The following GABRB1 variants were observed in gnomAD, a reference collection of about 807,000 sequenced individuals.
The protein encoded by GABRB1 is gamma-aminobutyric acid type A receptor subunit beta1, also known as gamma-aminobutyric acid receptor subunit beta-1.
In GABRB1, 17 loss-of-function variants were observed where a neutral mutation model predicts 51.6. The observed-to-expected ratio is 0.33, with a 90% CI of 0.23 to 0.49. The LOEUF (loss-of-function observed/expected upper bound fraction) is 0.49, where lower values mean the gene tolerates loss of function less well. Among genes scored for constraint, GABRB1 ranks in the 20% least tolerant of loss-of-function variants. GABRB1 has a pLI of 0.99. For synonymous variants in GABRB1, 247 were observed against 218.9 expected, an observed-to-expected ratio of 1.13 and a Z score of -1.14; for missense variants, 410 against 600.6, an observed-to-expected ratio of 0.68 and a Z score of 3.32.
intron 4 of GABRB1, among the ~76,000 whole-genome samples, chr4:47,254,173 C>A (rs1722090651): frequency 6.6e-6 from 1 of 151,972 alleles, no homozygotes; most frequent in East Asian, 1.9e-4. Context: ...CCTACCGTTT[C>A]TGCACCAAAG....
intron 4 of GABRB1, among the ~76,000 whole-genome samples, chr4:47,301,389 C>T (rs546929099): frequency 6.6e-6 from 1 of 152,096 alleles, no homozygotes; most frequent in Non-Finnish European, 1.5e-5. Flanking sequence ...GTAATTCCAA[C>T]ACTTTGGTAG....
intron 5 of GABRB1, among the ~76,000 whole-genome samples, chr4:47,378,447 C>G (rs1184374715): frequency 1.3e-5 from 2 of 152,210 alleles, no homozygotes; most frequent in Non-Finnish European, 2.9e-5. Flanking sequence ...CTCCACACCT[C>G]CCTGCAAGCT....
At chr4:47,320,784 T>TA (rs1725055569) in intron 5 of GABRB1, among the ~76,000 whole-genome samples, 1 of 149,420 alleles carries the variant, frequency 6.7e-6, no homozygotes, top group East Asian at 1.9e-4. Context: ...TTTTTTTTTT[T>TA]TTTGAGACGG....
intron 4 of GABRB1, among the ~76,000 whole-genome samples, chr4:47,234,778 T>C (rs1191445887): frequency 6.6e-6 from 1 of 152,200 alleles, no homozygotes; most frequent in Non-Finnish European, 1.5e-5. Context: ...TTCTCCTTTT[T>C]CTTTATGAAC....
At chr4:47,271,541 C>G (rs916398346) in intron 4 of GABRB1, among the ~76,000 whole-genome samples, 31 of 152,164 alleles carry the variant, frequency 2.0e-4, no homozygotes, top group African/African-American at 7.5e-4. Context: ...TCAGTCCTGG[C>G]CCAGGTGGCA....
chr4:47,009,252 A>G (rs2109438218), intron 1 of GABRB1, among the ~76,000 whole-genome samples: 1 of 150,720 alleles, frequency 6.6e-6, no homozygotes, highest in Non-Finnish European at 1.5e-5. Context: ...ATTAAATTTT[A>G]TATAAATTAT....
intron 3 of GABRB1, among the ~76,000 whole-genome samples, chr4:47,046,907 G>A (rs537862307): frequency 1.3e-5 from 2 of 152,082 alleles, no homozygotes; most frequent in Admixed American, 1.3e-4. Context: ...AACCAAATAC[G>A]GCATGTTTTC....
At chr4:47,226,632 A>G (rs1246199474) in intron 4 of GABRB1, among the ~76,000 whole-genome samples, 1 of 152,126 alleles carries the variant, frequency 6.6e-6, no homozygotes, top group Non-Finnish European at 1.5e-5. Flanking sequence ...GATTATCACC[A>G]AGAAATCTTC....
At chr4:47,074,322 T>C (rs933975644) in intron 3 of GABRB1, among the ~76,000 whole-genome samples, 9 of 152,322 alleles carry the variant, frequency 5.9e-5, no homozygotes, top group African/African-American at 2.2e-4. Context: ...TTTAAGAGCT[T>C]AAAGTATTTT....
At chr4:47,027,450 T>C (rs1251027397), upstream of GABRB1, among the ~76,000 whole-genome samples, 2 of 151,566 alleles carry the variant, frequency 1.3e-5, no homozygotes, top group Non-Finnish European at 3.0e-5. Flanking sequence ...CTATAATATA[T>C]AAATAAGAAG....
intron 3 of GABRB1, among the ~76,000 whole-genome samples, chr4:47,102,497 G>C (rs770051836): frequency 6.6e-6 from 1 of 152,018 alleles, no homozygotes; most frequent in Non-Finnish European, 1.5e-5. Context: ...GAGTAGATAT[G>C]AAGAGTTGAG....
intron 3 of GABRB1, among the ~76,000 whole-genome samples, chr4:47,081,761 T>A (rs1313612199): frequency 6.6e-6 from 1 of 152,086 alleles, no homozygotes; most frequent in Non-Finnish European, 1.5e-5. Context: ...CTTTTTTGCA[T>A]AGCAAACTTC....
rs190228136 is a variant in GABRB1, at chr4:47,417,055, C to G, written c.1081-8619C>G. ...GGAGAAATAAGGAAAAGAAACGAAT[C>G]CAGGATAAATGTATCTACCTGAGTA... On this transcript the variant is annotated intron_variant, in intron 8 of 8. Coordinates refer to ENST00000295454, the MANE Select transcript of GABRB1 (RefSeq NM_000812.4). 2.5e-3 allele frequency among the ~76,000 whole-genome samples: 381 copies of G among 152,242 alleles called. 1 individual carries two copies. Among genetic ancestry groups the G allele is most frequent in the Non-Finnish European group, 4.2e-3 (287 of 67,996 alleles).
chr4:47,331,563 C>G (rs1725486067), intron 5 of GABRB1, among the ~76,000 whole-genome samples: 1 of 151,940 alleles, frequency 6.6e-6, no homozygotes, highest in African/African-American at 2.4e-5. Context: ...TGATGGATGA[C>G]CATTTTGCAA....
At chr4:47,184,818 C>T (rs1263578475) in intron 4 of GABRB1, among the ~76,000 whole-genome samples, 1 of 151,834 alleles carries the variant, frequency 6.6e-6, no homozygotes, top group Non-Finnish European at 1.5e-5. Context: ...CTCAGGAGTC[C>T]ACATTCAAGG....
intron 3 of GABRB1, among the ~76,000 whole-genome samples, chr4:47,059,242 G>T (rs774980358): frequency 3.3e-5 from 5 of 152,156 alleles, no homozygotes; most frequent in Non-Finnish European, 7.3e-5. Flanking sequence ...CCTATGTGTT[G>T]CTGGGATGAG....
chr4:47,201,908 A>G (rs1020532354), intron 4 of GABRB1, among the ~76,000 whole-genome samples: 7 of 152,136 alleles, frequency 4.6e-5, no homozygotes, highest in Non-Finnish European at 7.3e-5. Flanking sequence ...ATTAATTGAT[A>G]TAAAAAAGTA....
At chr4:47,389,605 G>C (rs867600006) in intron 5 of GABRB1, among the ~76,000 whole-genome samples, 21 of 152,222 alleles carry the variant, frequency 1.4e-4, no homozygotes, top group African/African-American at 5.1e-4. Flanking sequence ...TTAAAAATCT[G>C]GCTTCCATAG....
At chr4:47,425,024 A>G (rs1729223341) in intron 8 of GABRB1, among the ~76,000 whole-genome samples, 1 of 152,214 alleles carries the variant, frequency 6.6e-6, no homozygotes, top group Admixed American at 6.5e-5. Flanking sequence ...TTTAACTACA[A>G]AATATTCCTT....
Sources: gnomAD v4.1 joint callset for allele counts (sites outside exome capture counted in the v4.1 genomes callset) on GRCh38, gnomAD v4.1.1 for gene constraint, MANE v1.5 for transcripts, NCBI Gene and HGNC (gene_info 2026-07-23, HGNC 2026-07-21) for gene names.